Variants in HLCS observed in about 807,000 individuals in gnomAD.
HLCS encodes the protein holocarboxylase synthetase, also known as biotin--protein ligase.
In HLCS, 53 loss-of-function variants were observed where a neutral mutation model predicts 75.0. The ratio of observed to expected loss-of-function variants is 0.71; its 90% CI spans 0.57 to 0.89. The LOEUF is 0.89. Ranked by LOEUF, HLCS falls within the 40% of genes least tolerant of loss-of-function variation. The probability of loss-of-function intolerance (pLI) is 0.00; values close to 1 mark genes in which losing one functional copy is unlikely to be tolerated. For synonymous variants in HLCS, 431 were observed against 428.6 expected, an observed-to-expected ratio of 1.01 and a Z score of -0.07; for missense variants, 966 against 1,074.0, an observed-to-expected ratio of 0.90 and a Z score of 1.41.
chr21:36,881,026 A>AGTGGCGTGATCTCGGCT (rs1360805714), intron 6 of HLCS, among the ~76,000 whole-genome samples: 7 of 152,192 alleles, frequency 4.6e-5, no homozygotes, highest in Non-Finnish European at 8.8e-5. Context: ...GCTGGAGTGC[A>AGTGGCGTGATCTCGGCT]GTGGCGTGAT....
chr21:36,896,831 G>A, intron 6 of HLCS, 29 bp downstream of exon 6: 6 of 1,612,786 alleles, frequency 3.7e-6, no homozygotes, highest in African/African-American at 1.3e-5. Flanking sequence ...GGACTCCTCT[G>A]AGCAGATGCA....
chr21:36,857,788 T>G (rs2063246990), intron 6 of HLCS, among the ~76,000 whole-genome samples: 1 of 152,132 alleles, frequency 6.6e-6, no homozygotes, highest in East Asian at 1.9e-4. Flanking sequence ...GTTTTTTGTT[T>G]TTTGTTGTTG....
chr21:36,950,911 C>G (rs994106621), intron 2 of HLCS, among the ~76,000 whole-genome samples: 1 of 152,198 alleles, frequency 6.6e-6, no homozygotes, highest in African/African-American at 2.4e-5. Flanking sequence ...CTTCCACCTT[C>G]TGGGCCCTTG....
At chr21:36,792,522 C>T (rs539726132) in intron 6 of HLCS, among the ~76,000 whole-genome samples, 326 of 151,982 alleles carry the variant, frequency 2.1e-3, no homozygotes, top group Non-Finnish European at 3.4e-3. Context: ...AGGAGGAGGA[C>T]GACCATGATC....
intron 2 of HLCS, among the ~76,000 whole-genome samples, chr21:36,951,837 C>T (rs2067684549): frequency 6.6e-6 from 1 of 152,198 alleles, no homozygotes; most frequent in Non-Finnish European, 1.5e-5. Flanking sequence ...CTGAATCTGC[C>T]ATCACTTGTT....
chr21:36,981,148 A>T (rs2069112292), intron 1 of HLCS, among the ~76,000 whole-genome samples: 1 of 152,184 alleles, frequency 6.6e-6, no homozygotes, highest in African/African-American at 2.4e-5. Flanking sequence ...GAGACTGCAA[A>T]CCTTCAAGGG....
chr21:36,930,219 G>A (rs747679454), intron 5 of HLCS, 32 bp downstream of exon 5: 6 of 1,601,682 alleles, frequency 3.7e-6, no homozygotes, highest in Non-Finnish European at 5.1e-6. Context: ...CCACGTCACA[G>A]CGCGCTCTGC....
At chr21:36,759,553 C>T (rs1443389408) in intron 9 of HLCS, among the ~76,000 whole-genome samples, 174 bp downstream of exon 9, 1 of 152,164 alleles carries the variant, frequency 6.6e-6, no homozygotes, top group African/African-American at 2.4e-5. Flanking sequence ...ATGCTAAACC[C>T]TGTGAAGTGC....
At chr21:36,834,795 C>A (rs2062349093) in intron 6 of HLCS, among the ~76,000 whole-genome samples, 2 of 152,208 alleles carry the variant, frequency 1.3e-5, no homozygotes, top group African/African-American at 4.8e-5. Context: ...ACCTCGTGAT[C>A]CGCCTGCCTC....
intron 6 of HLCS, among the ~76,000 whole-genome samples, chr21:36,839,137 G>T (rs1301991849): frequency 6.6e-6 from 1 of 152,118 alleles, no homozygotes; most frequent in Non-Finnish European, 1.5e-5. Flanking sequence ...AGATTAAATG[G>T]GATTAAACAC....
intron 6 of HLCS, among the ~76,000 whole-genome samples, chr21:36,855,078 T>G (rs1371471382): frequency 9.4e-5 from 14 of 149,322 alleles, no homozygotes; most frequent in Admixed American, 3.3e-4. Context: ...CATATTCATG[T>G]TTTTTTTTTG....
chr21:36,872,358 T>G (rs1057118801), intron 6 of HLCS, among the ~76,000 whole-genome samples: 2 of 147,730 alleles, frequency 1.4e-5, no homozygotes, highest in African/African-American at 5.1e-5. Context: ...ACCAGTGCAC[T>G]CCAGCCTGGG....
Position 36,826,891 on chromosome 21 carries a change from CAG to C in HLCS, c.1893-59608_1893-59607del, listed in dbSNP as rs374862055. 1.2e-4 allele frequency among the ~76,000 whole-genome samples: 19 copies of C among 152,216 alleles called. 1 individual carries two copies. The highest frequency in any genetic ancestry group is 4.1e-4 in the African/African-American group (17 of 41,552). On this transcript the variant is annotated intron_variant, in intron 6 of 10. Coordinates refer to ENST00000674895, the MANE Select transcript of HLCS (RefSeq NM_001352514.2). ...ATTCAAAAGAGAGAAAGAGGGGAAACAGAGGTGACAGAGGATCCAGTGTTGGC... is the reference window on the plus strand; with the variant it reads ...ATTCAAAAGAGAGAAAGAGGGGAAACAGGTGACAGAGGATCCAGTGTTGGC...
chr21:36,915,056 C>G (rs1175294757), intron 5 of HLCS, among the ~76,000 whole-genome samples: 2 of 152,236 alleles, frequency 1.3e-5, no homozygotes, highest in Non-Finnish European at 2.9e-5. Context: ...TCCCTTCCTT[C>G]TGATGCTGAC....
intron 5 of HLCS, among the ~76,000 whole-genome samples, chr21:36,921,552 C>T (rs2066168260): frequency 6.6e-6 from 1 of 152,182 alleles, no homozygotes; most frequent in Non-Finnish European, 1.5e-5. Flanking sequence ...TTTTATAGAC[C>T]AGTGGCTCAG....
chr21:36,849,157 G>A (rs566683993), intron 6 of HLCS, among the ~76,000 whole-genome samples: 5 of 152,244 alleles, frequency 3.3e-5, no homozygotes, highest in African/African-American at 1.2e-4. Context: ...CAATGACCCA[G>A]AAAATGTTAA....
intron 6 of HLCS, among the ~76,000 whole-genome samples, chr21:36,887,603 A>C (rs1318990237): frequency 6.6e-6 from 1 of 152,180 alleles, no homozygotes; most frequent in Non-Finnish European, 1.5e-5. Context: ...TGCCAGAATA[A>C]CCCTTCAGTC....
intron 6 of HLCS, among the ~76,000 whole-genome samples, chr21:36,786,655 C>T (rs1569007440): frequency 1.3e-5 from 2 of 152,200 alleles, no homozygotes; most frequent in African/African-American, 2.4e-5. Context: ...TTCTTTGTTT[C>T]GGTTTTTCCT....
At chr21:36,762,593 G>A (rs967526414) in intron 8 of HLCS, among the ~76,000 whole-genome samples, 2 of 152,178 alleles carry the variant, frequency 1.3e-5, no homozygotes, top group Non-Finnish European at 2.9e-5. Context: ...CAAACAACAG[G>A]GGCCTATTTC....
Sources: gnomAD v4.1 joint callset for allele counts (sites outside exome capture counted in the v4.1 genomes callset) on GRCh38, gnomAD v4.1.1 for gene constraint, MANE v1.5 for transcripts, NCBI Gene and HGNC (gene_info 2026-07-23, HGNC 2026-07-21) for gene names.